Variants in KLHL4 observed in about 807,000 individuals in gnomAD.
KLHL4 encodes the protein kelch like family member 4.
In KLHL4, 17 loss-of-function variants were observed where a neutral mutation model predicts 45.8. That is an observed-to-expected ratio of 0.37 (90% CI 0.25 to 0.56). The LOEUF is 0.56. Ranked by LOEUF, KLHL4 falls within the 20% of genes least tolerant of loss-of-function variation. KLHL4 has a pLI of 0.79. For synonymous variants in KLHL4, 224 were observed against 189.9 expected (o/e 1.18, Z -1.47); for missense variants, 544 against 544.9 (o/e 1.00, Z 0.02).
chrX:87,587,885 A>G (rs1277853234), intron 1 of KLHL4, among the ~76,000 whole-genome samples: 1 of 111,716 alleles, frequency 9.0e-6, no homozygotes, highest in African/African-American at 3.3e-5. Context: ...GCATGATACT[A>G]TCATATACTT....
rs746162112 is a variant in KLHL4 at position 87,635,691 on chromosome X, C to T, written c.1841C>T (p.Thr614Ile). ...AGACGTGGAGGTGTGGGAGTTGCCA[C>T]ATACAATGGATTCTTATATGTTGTA... ...SKRRGGVGVA[T>I]YNGFLYVVGG... Residue 614 changes from threonine (T) to isoleucine (I), a missense_variant, in exon 9 of 11, where the codon ACA (threonine) becomes ATA (isoleucine). Physicochemically the swap from Thr to Ile is moderately conservative, Grantham distance 89. Coordinates refer to ENST00000373119, the MANE Select transcript of KLHL4 (RefSeq NM_019117.5). 1 of 1,210,558 alleles carries T rather than the reference C, an allele frequency of 8.3e-7. No individual in the cohort carries two copies. The highest frequency in any genetic ancestry group is 3.0e-5 in the East Asian group (1 of 33,813).
chrX:87,562,711 A>G (rs189548866), intron 1 of KLHL4, among the ~76,000 whole-genome samples: 2 of 109,910 alleles, frequency 1.8e-5, no homozygotes, highest in East Asian at 5.8e-4. Flanking sequence ...AGGGAAAGAC[A>G]TATGCCTGGC....
At position 87,652,243 on chromosome X, in the gene KLHL4, A is replaced by T. The variant is rs1923840736; in HGVS notation, c.1926-12521A>T. Among the ~76,000 whole-genome samples the T allele has an allele frequency of 5.3e-5, 6 of 112,428 alleles. No individual in the cohort carries two copies. The Admixed American group carries it at 5.6e-4, about 11-fold the overall frequency. ...CAGGCCTGTGATGGGAGGGGCTGCAATGAAGATCTCTGGCATGCCCTAGAG... is the reference window on the plus strand; with the variant it reads ...CAGGCCTGTGATGGGAGGGGCTGCATTGAAGATCTCTGGCATGCCCTAGAG... On this transcript the variant is annotated intron_variant, in intron 9 of 10. Transcript: ENST00000373119.
chrX:87,578,512 A>G (rs931096360), intron 1 of KLHL4, among the ~76,000 whole-genome samples: 1 of 112,243 alleles, frequency 8.9e-6, no homozygotes, highest in African/African-American at 3.2e-5. Flanking sequence ...TATGTGGACC[A>G]AAACTTCTTT....
intron 1 of KLHL4, among the ~76,000 whole-genome samples, chrX:87,543,936 G>A (rs926885805): frequency 9.0e-6 from 1 of 111,354 alleles, no homozygotes; most frequent in Admixed American, 9.5e-5. Flanking sequence ...CTACCTCTAT[G>A]GTCTAGGTAT....
chrX:87,570,439 T>C (rs1932311788), intron 1 of KLHL4, among the ~76,000 whole-genome samples: 3 of 110,687 alleles, frequency 2.7e-5, no homozygotes, highest in Admixed American at 9.6e-5. Flanking sequence ...GGCAGGTTCA[T>C]GGAATTGAGA....
chrX:87,577,679 A>G (rs762551812), intron 1 of KLHL4, among the ~76,000 whole-genome samples: 1 of 111,849 alleles, frequency 8.9e-6, no homozygotes, highest in South Asian at 3.7e-4. Flanking sequence ...GAGAGCTGAC[A>G]GTAAGCTGCA....
chrX:87,602,814 C>G (rs1242748003), intron 1 of KLHL4, among the ~76,000 whole-genome samples: 4 of 111,583 alleles, frequency 3.6e-5, no homozygotes, highest in African/African-American at 1.3e-4. Context: ...TAACTTGAAT[C>G]CTGTCTGCTG....
chrX:87,650,656 G>A (rs1363063388), intron 9 of KLHL4, among the ~76,000 whole-genome samples: 1 of 111,801 alleles, frequency 8.9e-6, no homozygotes, highest in Non-Finnish European at 1.9e-5. Flanking sequence ...ATCAGGGTGA[G>A]GTAGTTTTCT....
At chrX:87,615,613 G>A (rs1488987197) in intron 3 of KLHL4, among the ~76,000 whole-genome samples, 2 of 110,585 alleles carry the variant, frequency 1.8e-5, no homozygotes, top group Non-Finnish European at 3.8e-5. Context: ...AATCAAATAC[G>A]GTATATGAAC....
chrX:87,546,934 A>C (rs1311722017), intron 1 of KLHL4, among the ~76,000 whole-genome samples: 1 of 112,583 alleles, frequency 8.9e-6, no homozygotes, highest in Admixed American at 9.3e-5. Context: ...CATTTATTCA[A>C]TGCCTATACC....
intron 1 of KLHL4, among the ~76,000 whole-genome samples, chrX:87,574,375 A>G (rs1228842381): frequency 2.7e-5 from 3 of 111,624 alleles, no homozygotes. Flanking sequence ...AAAAAAATCA[A>G]GTGTTGTTTT....
In KLHL4 at chrX:87,582,300, A is replaced by C. The variant is rs776408543; in HGVS notation, c.423-31577A>C. ...AAAAAAGCACCTAAGAGATAGAAAA[A>C]AACAGTCTGGAATCGCGGATGCCAC... On this transcript the variant is annotated intron_variant, in intron 1 of 10. Coordinates refer to ENST00000373119, the MANE Select transcript of KLHL4 (RefSeq NM_019117.5). Among the ~76,000 whole-genome samples the C allele has an allele frequency of 1.3e-4, 15 of 111,948 alleles. No individual in the cohort carries two copies. The East Asian group carries it at 1.4e-3, about 11-fold the overall frequency.
intron 1 of KLHL4, among the ~76,000 whole-genome samples, chrX:87,529,115 C>G (rs928657444): frequency 9.0e-6 from 1 of 111,183 alleles, no homozygotes; most frequent in African/African-American, 3.3e-5. Flanking sequence ...CAAAGCTAAC[C>G]TTTACAAATG....
intron 7 of KLHL4, among the ~76,000 whole-genome samples, chrX:87,633,076 C>A (rs1467931430): frequency 9.0e-6 from 1 of 110,736 alleles, no homozygotes; most frequent in Non-Finnish European, 1.9e-5. Context: ...AAAGGTCCTG[C>A]AGGGAAATCA....
chrX:87,614,018 A>C lies in KLHL4; in HGVS notation c.564A>C (p.Ala188=). The C allele has an allele frequency of 8.3e-7, 1 of 1,205,791 alleles. No homozygotes were observed. The highest frequency in any genetic ancestry group is 1.1e-6 in the Non-Finnish European group (1 of 892,536). The change falls in exon 2 of 11, where the codon GCA becomes GCC. Residue 188 remains alanine (A), a synonymous_variant. Transcript: ENST00000373119. ...AACTATGTGATGTGCTACTGATTGC[A>C]GGACACCTCCGCATCCCAGCCCATA... ...EKQLCDVLLI[A]GHLRIPAHRL...
chrX:87,660,525 G>A (rs899200318), intron 9 of KLHL4, among the ~76,000 whole-genome samples: 1 of 111,854 alleles, frequency 8.9e-6, no homozygotes, highest in African/African-American at 3.2e-5. Flanking sequence ...AATAATTATG[G>A]TATCTTAAGA....
chrX:87,622,141 C>A (rs2147818196), intron 4 of KLHL4, 70 bp from the exon 5 acceptor site: 3 of 664,880 alleles, frequency 4.5e-6, no homozygotes, highest in East Asian at 3.4e-5. Context: ...ACATGAAATT[C>A]TTTGATATGC....
chrX:87,642,045 T>C (rs1282886134), intron 9 of KLHL4, among the ~76,000 whole-genome samples: 1 of 109,927 alleles, frequency 9.1e-6, no homozygotes, highest in Non-Finnish European at 1.9e-5. Flanking sequence ...CCATAGCTGA[T>C]GCTTTCTGGA....
Sources: allele counts gnomAD v4.1 joint callset (sites outside exome capture counted in the v4.1 genomes callset), GRCh38; gene constraint gnomAD v4.1.1; transcripts MANE v1.5; gene names NCBI Gene and HGNC (gene_info 2026-07-23, HGNC 2026-07-21).